RBSN: variants seen among roughly 807,000 people sequenced by gnomAD.
RBSN encodes rabenosyn, RAB effector, also known as rabenosyn-5.
Under a neutral mutation model 60.5 loss-of-function variants are expected in RBSN, and 34 were observed. That is an observed-to-expected ratio of 0.56 (90% CI 0.43 to 0.75). The LOEUF (loss-of-function observed/expected upper bound fraction) is 0.75, where lower values mean the gene tolerates loss of function less well. RBSN is among the 30% of genes least tolerant of loss of function. The probability of loss-of-function intolerance (pLI) is 0.00; values close to 1 mark genes in which losing one functional copy is unlikely to be tolerated. For synonymous variants in RBSN, 322 were observed against 366.9 expected (o/e 0.88, Z 1.40); for missense variants, 845 against 986.8 (o/e 0.86, Z 1.92).
rs759135809 is a variant in RBSN at position 15,070,814 on chromosome 3, A to G, written c.*2968T>C. 2.6e-5 allele frequency: 4 copies of G among 152,410 alleles called. No individual in the cohort carries two copies. The highest frequency in any genetic ancestry group is 6.5e-5 in the Admixed American group (1 of 15,272). The allele number at this position is 152,410 out of a possible 1,614,324, so 9.4% of individuals were successfully genotyped here. A position where few individuals can be genotyped will look rare whatever the true frequency, so the allele number is the denominator to read the frequency against. ...ATTTTAGTTTGGTTTAGTATATTCA[A>G]TCAGTCAGTTTTGTTTGTTTTTTGT... On this transcript the variant is annotated 3_prime_UTR_variant, in exon 14 of 14. Coordinates refer to ENST00000253699, the MANE Select transcript of RBSN (RefSeq NM_022340.4).
intron 12 of RBSN, among the ~76,000 whole-genome samples, chr3:15,076,441 A>G (rs2043055571): frequency 6.6e-6 from 1 of 152,176 alleles, no homozygotes; most frequent in South Asian, 2.1e-4. Context: ...TCTCTATTTA[A>G]TAAAAGAAAA....
intron 9 of RBSN, among the ~76,000 whole-genome samples, chr3:15,081,940 T>G (rs961121178): frequency 4.6e-5 from 7 of 152,230 alleles, no homozygotes; most frequent in African/African-American, 1.7e-4. Context: ...AGTAAACTGG[T>G]GAAGCCTGAA....
chr3:15,094,459 C>T (rs1236026734), intron 4 of RBSN, among the ~76,000 whole-genome samples: 1 of 152,214 alleles, frequency 6.6e-6, no homozygotes, highest in Non-Finnish European at 1.5e-5. Context: ...TCCTGTGTGA[C>T]CGTGGATAAG....
chr3:15,095,605 T>G, intron 4 of RBSN: 2 of 399,904 alleles, frequency 5.0e-6, no homozygotes, highest in South Asian at 7.1e-5. Flanking sequence ...TCCATCATCA[T>G]AGCAAAGGAA....
intron 5 of RBSN, among the ~76,000 whole-genome samples, chr3:15,089,812 G>A (rs368671813): frequency 3.9e-5 from 6 of 151,972 alleles, no homozygotes; most frequent in East Asian, 1.9e-4. Flanking sequence ...GGGTTTCACC[G>A]TGGTCTGGAT....
In RBSN at chr3:15,083,914, T is replaced by C. The variant is rs578224222; in HGVS notation, c.598+821A>G. On this transcript the variant is annotated intron_variant, in intron 8 of 13. Transcript: ENST00000253699. Reference sequence around the variant, plus strand: ...CCTGAGTTCCTGACAGTCTCTTTCATTGTACATCTCTCTTTAGAAAGCAAT... The same window carrying C: ...CCTGAGTTCCTGACAGTCTCTTTCACTGTACATCTCTCTTTAGAAAGCAAT... Among the ~76,000 whole-genome samples, 6 of 152,240 alleles carry C rather than the reference T, an allele frequency of 3.9e-5. No individual in the cohort carries two copies. The South Asian group carries it at 1.2e-3, about 32-fold the overall frequency.
At chr3:15,087,969 C>T (rs2043393353) in intron 5 of RBSN, among the ~76,000 whole-genome samples, 2 of 152,168 alleles carry the variant, frequency 1.3e-5, no homozygotes, top group South Asian at 4.1e-4. Context: ...CCTAATCATA[C>T]TCTAACATCT....
rs567346938 is a variant in RBSN, at chr3:15,073,421, A to C, written c.*361T>G. 4.4e-6 allele frequency: 1 copy of C among 226,746 alleles called. No individual in the cohort carries two copies. Among genetic ancestry groups the C allele is most frequent in the South Asian group, 7.9e-5 (1 of 12,696 alleles). The allele number at this position is 226,746 out of a possible 1,614,324, so 14.0% of individuals were successfully genotyped here. ...GACTAGGCAGTAGCAAATGGACCCA[A>C]GAGGTACACAGCAGCCATTTCTGCC... On this transcript the variant is annotated 3_prime_UTR_variant, in exon 14 of 14. Transcript: ENST00000253699.
intron 12 of RBSN, among the ~76,000 whole-genome samples, chr3:15,076,483 G>C (rs942588703): frequency 2.0e-5 from 3 of 151,550 alleles, no homozygotes; most frequent in Non-Finnish European, 2.9e-5. Flanking sequence ...TAAAAAAAAA[G>C]AAAAAAACAG....
At chr3:15,086,090 CCA>C in intron 5 of RBSN, 129 bp from the exon 6 acceptor site, 44 of 162,932 alleles carry the variant, frequency 2.7e-4, no homozygotes, top group South Asian at 2.1e-3. Context: ...CCGTCTCTCT[CCA>C]AAAAAAAAAA....
chr3:15,095,087 C>T (rs953631666), intron 4 of RBSN, among the ~76,000 whole-genome samples: 12 of 152,032 alleles, frequency 7.9e-5, no homozygotes, highest in Admixed American at 2.0e-4. Flanking sequence ...GATCATCGCT[C>T]ACTACAGCCT....
intron 4 of RBSN, among the ~76,000 whole-genome samples, chr3:15,093,571 A>AT (rs1419814152): frequency 4.6e-5 from 7 of 152,112 alleles, no homozygotes; most frequent in African/African-American, 7.2e-5. Context: ...TTTTTAAATG[A>AT]TTTTTTTGTA....
At chr3:15,090,240 T>G (rs1429464915) in intron 5 of RBSN, among the ~76,000 whole-genome samples, 159 bp downstream of exon 5, 1 of 152,218 alleles carries the variant, frequency 6.6e-6, no homozygotes, top group Non-Finnish European at 1.5e-5. Context: ...GCTCAGCTGG[T>G]TCTCTTCCAT....
intron 9 of RBSN, among the ~76,000 whole-genome samples, chr3:15,081,745 A>G (rs932707225): frequency 1.1e-4 from 17 of 152,166 alleles, no homozygotes; most frequent in African/African-American, 4.1e-4. Context: ...CTCCCCACCC[A>G]GTCCACCTGG....
intron 10 of RBSN, 70 bp from the exon 11 acceptor site, chr3:15,078,231 G>A: frequency 5.8e-6 from 8 of 1,370,938 alleles, no homozygotes; most frequent in Non-Finnish European, 8.3e-6. Flanking sequence ...GTAGAAGGAC[G>A]CTAAAGGTGT....
intron 5 of RBSN, among the ~76,000 whole-genome samples, chr3:15,089,119 T>C (rs2043426164): frequency 6.6e-6 from 1 of 152,174 alleles, no homozygotes; most frequent in Admixed American, 6.5e-5. Context: ...TAATTACCCA[T>C]TTCATGGACA....
In RBSN at chr3:15,085,024, T is replaced by C; in HGVS notation, c.412A>G (p.Asn138Asp). 1 of 1,614,222 alleles carries C rather than the reference T, an allele frequency of 6.2e-7. No individual in the cohort carries two copies. The highest frequency in any genetic ancestry group is 1.1e-5 in the South Asian group (1 of 91,084). The change falls in exon 7 of 14, where the codon AAT becomes GAT. Residue 138 changes from asparagine (N) to aspartate (D), a missense_variant. Transcript: ENST00000253699. Reference protein sequence around the residue: ...LEKLTAFDRTNTESAKIRAIE... With the variant: ...LEKLTAFDRTDTESAKIRAIE... Reference sequence around the variant, plus strand: ...CCTCGAATCTTTGCAGACTCAGTATTTGTTCTGTCAAATGCAGTGAGCTGA... The same window carrying C: ...CCTCGAATCTTTGCAGACTCAGTATCTGTTCTGTCAAATGCAGTGAGCTGA...
At chr3:15,080,889 T>C in intron 9 of RBSN, 87 bp from the exon 10 acceptor site, 1 of 1,078,810 alleles carries the variant, frequency 9.3e-7, no homozygotes, top group Non-Finnish European at 1.4e-6. Flanking sequence ...GGAGCTATAT[T>C]TAAAATGTTC....
intron 10 of RBSN, among the ~76,000 whole-genome samples, chr3:15,078,804 ATATATATATATATATATATAC>A (rs2043129399): frequency 8.8e-6 from 1 of 114,090 alleles, no homozygotes; most frequent in Non-Finnish European, 1.7e-5. Flanking sequence ...ATATATATAT[ATATATATATATATATATATAC>A]ATGGTTTTGT....
Sources: allele counts gnomAD v4.1 joint callset (sites outside exome capture counted in the v4.1 genomes callset), GRCh38; gene constraint gnomAD v4.1.1; transcripts MANE v1.5; gene names NCBI Gene and HGNC (gene_info 2026-07-23, HGNC 2026-07-21).